PIWIL2: variants seen among roughly 807,000 people sequenced by gnomAD.
PIWIL2 encodes piwi like RNA-mediated gene silencing 2.
A neutral mutation model predicts 116.5 loss-of-function variants in PIWIL2; 81 were observed. That is an observed-to-expected ratio of 0.70 (90% CI 0.58 to 0.84). The LOEUF (loss-of-function observed/expected upper bound fraction) is 0.84. Among genes scored for constraint, PIWIL2 ranks in the 40% least tolerant of loss-of-function variants. PIWIL2 has a pLI of 0.00. For missense variants in PIWIL2, 1,272 were observed against 1,212.3 expected (o/e 1.05, Z -0.73); for synonymous variants, 489 against 429.5 (o/e 1.14, Z -1.71).
chr8:22,313,651 A>G (rs929688835), intron 16 of PIWIL2, among the ~76,000 whole-genome samples: 1 of 152,198 alleles, frequency 6.6e-6, no homozygotes, highest in Non-Finnish European at 1.5e-5. Context: ...CATTTGTAGC[A>G]GTTTCTGGCT....
At chr8:22,334,665 C>G (rs1020698087) in intron 20 of PIWIL2, among the ~76,000 whole-genome samples, 2 of 152,110 alleles carry the variant, frequency 1.3e-5, no homozygotes, top group African/African-American at 4.8e-5. Flanking sequence ...CCAACTGTCT[C>G]CAACTCCTGG....
chr8:22,281,129 G>C lies in PIWIL2; in HGVS notation c.208G>C (p.Gly70Arg). ...QRGPAQRESVGLVSMFRGLGI... is the reference protein window; with the variant it reads ...QRGPAQRESVRLVSMFRGLGI... ...CTTTGACTTTCCACAGGAGTCTGTG[G>C]GTTTGGTCTCCATGTTCCGAGGCCT... The change falls in exon 3 of 23, where the codon GGT becomes CGT. Residue 70 changes from glycine to arginine, a missense_variant. Gly to Arg is a moderately radical substitution (Grantham distance 125). Transcript: ENST00000356766. 1.2e-6 allele frequency: 2 copies of C among 1,608,086 alleles called. No individual in the cohort carries two copies. The highest frequency in any genetic ancestry group is 8.5e-7 in the Non-Finnish European group (1 of 1,177,270).
chr8:22,281,462 A>T lies in PIWIL2; in HGVS notation c.372A>T (p.Lys124Asn), dbSNP rs1830500127. The change falls in exon 4 of 23, where the codon AAA becomes AAT. Residue 124 changes from lysine to asparagine, a missense_variant. Transcript: ENST00000356766. ...EELSPTFWDP[K>N]VLAAGDSKMA... is the part of the protein sequence containing the mutation. The stretch of plus-strand genomic sequence containing the variant: ...TCTCTCCCACTTTTTGGGATCCAAA[A>T]GTGTTGGCGGCTGGGGACAGCAAGA... The T allele has an allele frequency of 6.2e-7, 1 of 1,604,010 alleles. No homozygotes were observed. The highest frequency in any genetic ancestry group is 1.4e-5 in the African/African-American group (1 of 74,038).
chr8:22,347,608 C>T (rs1418823465), intron 20 of PIWIL2, among the ~76,000 whole-genome samples: 2 of 150,558 alleles, frequency 1.3e-5, no homozygotes, highest in African/African-American at 4.9e-5. Context: ...CTCACTGCAG[C>T]CTCCGCCTCT....
intron 10 of PIWIL2, among the ~76,000 whole-genome samples, chr8:22,299,446 G>A (rs1386150230): frequency 1.3e-5 from 2 of 152,092 alleles, no homozygotes; most frequent in Non-Finnish European, 2.9e-5. Context: ...GACCTCAGGT[G>A]ATCCACGCAC....
rs1832473410 is a variant in PIWIL2, at chr8:22,355,647, C to T, written c.*142C>T. On this transcript the variant is annotated 3_prime_UTR_variant, in exon 23 of 23. Coordinates refer to ENST00000356766, the MANE Select transcript of PIWIL2 (RefSeq NM_018068.5). ...CAACCCTGTAGAATAAGATTTCTTT[C>T]TTGTCTTTTAAACCTAATATCACCA... 1.3e-6 allele frequency: 1 copy of T among 752,068 alleles called. No individual in the cohort carries two copies. Among genetic ancestry groups the T allele is most frequent in the Admixed American group, 2.8e-5 (1 of 35,124 alleles). The allele number at this position is 752,068 out of a possible 1,614,324, so 46.6% of individuals were successfully genotyped here.
intron 17 of PIWIL2, among the ~76,000 whole-genome samples, chr8:22,314,641 C>T (rs753089448): frequency 5.9e-5 from 9 of 152,164 alleles, no homozygotes; most frequent in Non-Finnish European, 1.2e-4. Flanking sequence ...TGAACAGTTT[C>T]GCTTGTTCCG....
chr8:22,285,861 T>G (rs1279358392), intron 6 of PIWIL2, among the ~76,000 whole-genome samples: 1 of 151,986 alleles, frequency 6.6e-6, no homozygotes, highest in Non-Finnish European at 1.5e-5. Context: ...ACCAGGCTGG[T>G]CTCAAACTCC....
intron 4 of PIWIL2, among the ~76,000 whole-genome samples, chr8:22,282,228 GCGCCACCACACC>G (rs1261129953): frequency 7.1e-6 from 1 of 141,304 alleles, no homozygotes; most frequent in African/African-American, 2.6e-5. Flanking sequence ...CTACAGGTGT[GCGCCACCACACC>G]CGGCTTTTTT....
Position 22,304,026 on chromosome 8 carries a change from C to G in PIWIL2, c.1187C>G (p.Ala396Gly). ...RNDCVLDVMH[A>G]IYQQNKEHFQ... ...TCTTTTATCTCTTTCCAAAGGCATG[C>G]CATTTATCAGCAGAATAAAGAACAC... Residue 396 changes from alanine (A) to glycine (G), a missense_variant, in exon 11 of 23, where the codon GCC (alanine) becomes GGC (glycine). Coordinates refer to ENST00000356766, the MANE Select transcript of PIWIL2 (RefSeq NM_018068.5). 1.9e-6 allele frequency: 3 copies of G among 1,608,844 alleles called. No homozygotes were observed. Among genetic ancestry groups the G allele is most frequent in the Non-Finnish European group, 2.5e-6 (3 of 1,176,684 alleles).
At position 22,343,487 on chromosome 8, in the gene PIWIL2, A is replaced by G. The variant is rs145880937; in HGVS notation, c.2404-9472A>G. Among the ~76,000 whole-genome samples the G allele has an allele frequency of 6.8e-3, 1,028 of 152,168 alleles. 18 individuals carry two copies. The highest frequency in any genetic ancestry group is 0.023 in the African/African-American group (974 of 41,518). Reference sequence around the variant, plus strand: ...GTGGCGCATGCCTGTAATCCTAGCTACTCAGGAGGCTGAGGCAGGAGAACT... The same window carrying G: ...GTGGCGCATGCCTGTAATCCTAGCTGCTCAGGAGGCTGAGGCAGGAGAACT... On this transcript the variant is annotated intron_variant, in intron 20 of 22. Coordinates refer to ENST00000356766, the MANE Select transcript of PIWIL2 (RefSeq NM_018068.5).
intron 20 of PIWIL2, 58 bp from the exon 21 acceptor site, chr8:22,352,901 G>C: frequency 6.4e-7 from 1 of 1,551,706 alleles, no homozygotes. Context: ...GCCTCTCACT[G>C]ACTGTGGTCC....
chr8:22,291,257 T>G (rs1231875993), intron 10 of PIWIL2, among the ~76,000 whole-genome samples: 1 of 151,960 alleles, frequency 6.6e-6, no homozygotes, highest in Non-Finnish European at 1.5e-5. Context: ...TTGAAACAAT[T>G]CTCTTGCTTC....
Position 22,353,059 on chromosome 8 carries a change from A to C in PIWIL2, c.2504A>C (p.Lys835Thr), listed in dbSNP as rs1187754317. ...VANYEIPQLQ[K>T]CFEAFENYQP... ...AACTATGAGATTCCTCAACTACAGA[A>C]GTGTTTTGAAGCTTTTGAGAATTAT... The change falls in exon 21 of 23, where the codon AAG (lysine) becomes ACG (threonine). Residue 835 changes from lysine to threonine, a missense_variant. Physicochemically the swap from Lys to Thr is moderately conservative, Grantham distance 78. Transcript: ENST00000356766. 6.2e-7 allele frequency: 1 copy of C among 1,614,172 alleles called. No individual in the cohort carries two copies. Among genetic ancestry groups the C allele is most frequent in the Non-Finnish European group, 8.5e-7 (1 of 1,179,996 alleles).
intron 10 of PIWIL2, among the ~76,000 whole-genome samples, chr8:22,299,983 A>T (rs1245440805): frequency 6.6e-6 from 1 of 151,968 alleles, no homozygotes; most frequent in Non-Finnish European, 1.5e-5. Context: ...CCTGTCACCC[A>T]GGCTGGAGTG....
At chr8:22,302,392 G>T (rs1477690269) in intron 10 of PIWIL2, among the ~76,000 whole-genome samples, 1 of 152,024 alleles carries the variant, frequency 6.6e-6, no homozygotes, top group East Asian at 1.9e-4. Flanking sequence ...TGTTGGCCAG[G>T]ATGGTCTCGA....
At chr8:22,290,391 T>A in intron 10 of PIWIL2, 45 bp downstream of exon 10, 1 of 1,164,294 alleles carries the variant, frequency 8.6e-7, no homozygotes, top group South Asian at 1.3e-5. Flanking sequence ...GATGATTTTC[T>A]GAAAAGTTCA....
rs189897097 is a variant in PIWIL2 at position 22,301,986 on chromosome 8, C to T, written c.1182-2035C>T. ...GGCACAAATGTCCCTCTGAGCACTG[C>T]ATTAGCTACAGTCCCTGATTTTTTT... On this transcript the variant is annotated intron_variant, in intron 10 of 22. Coordinates refer to ENST00000356766, the MANE Select transcript of PIWIL2 (RefSeq NM_018068.5). Among the ~76,000 whole-genome samples the T allele has an allele frequency of 1.4e-3, 209 of 152,230 alleles. 1 individual carries two copies. The highest frequency in any genetic ancestry group is 4.7e-3 in the African/African-American group (195 of 41,556).
At chr8:22,311,596 AG>A (rs1831332666) in intron 16 of PIWIL2, among the ~76,000 whole-genome samples, 3 of 152,210 alleles carry the variant, frequency 2.0e-5, no homozygotes, top group African/African-American at 7.2e-5. Flanking sequence ...GTGCTCAGAA[AG>A]CAGCAGCTTG....
Sources: gnomAD v4.1 joint callset for allele counts (sites outside exome capture counted in the v4.1 genomes callset) on GRCh38, gnomAD v4.1.1 for gene constraint, MANE v1.5 for transcripts, NCBI Gene and HGNC (gene_info 2026-07-23, HGNC 2026-07-21) for gene names.